Variants in VGLL3 observed in about 807,000 individuals in gnomAD.
The protein encoded by VGLL3 is transcription cofactor vestigial-like protein 3.
A neutral mutation model predicts 29.2 loss-of-function variants in VGLL3; 18 were observed. The observed-to-expected ratio is 0.62, with a 90% CI of 0.43 to 0.91. The LOEUF (loss-of-function observed/expected upper bound fraction) is 0.91. VGLL3 is among the 40% of genes least tolerant of loss of function. The probability of loss-of-function intolerance (pLI) is 0.00; values close to 1 mark genes in which losing one functional copy is unlikely to be tolerated. For missense variants in VGLL3, 440 were observed against 413.2 expected (o/e 1.06, Z -0.56); for synonymous variants, 180 against 151.8 (o/e 1.19, Z -1.36).
chr3:86,990,058 C>T (rs1040155109), intron 1 of VGLL3, among the ~76,000 whole-genome samples: 5 of 152,140 alleles, frequency 3.3e-5, no homozygotes, highest in African/African-American at 1.2e-4. Flanking sequence ...TGGAATCCAT[C>T]CCTGTCCTCT....
chr3:86,959,726 C>T (rs372585691), intron 3 of VGLL3, among the ~76,000 whole-genome samples: 5 of 152,128 alleles, frequency 3.3e-5, no homozygotes, highest in East Asian at 3.9e-4. Flanking sequence ...GGGTATAAAG[C>T]TCCATAATTT....
In VGLL3 at chr3:86,975,987, C is replaced by T. The variant is rs189980631; in HGVS notation, c.403+2539G>A. ...AAATTAGCTGGGCATGGTGGAGGGT[C>T]CCTGTAATCCCAGCTACTCAGGAGG... On this transcript the variant is annotated intron_variant, in intron 2 of 3. Transcript: ENST00000398399. 1.9e-3 allele frequency among the ~76,000 whole-genome samples: 294 copies of T among 151,996 alleles called. 2 individuals carry two copies. The highest frequency in any genetic ancestry group is 6.8e-3 in the African/African-American group (281 of 41,484).
intron 3 of VGLL3, among the ~76,000 whole-genome samples, chr3:86,959,818 C>A (rs1372177748): frequency 6.6e-6 from 1 of 152,084 alleles, no homozygotes; most frequent in East Asian, 1.9e-4. Context: ...ATTTGTAGAA[C>A]TTTCCTGCAA....
At chr3:86,960,116 T>C (rs1704807173) in intron 3 of VGLL3, among the ~76,000 whole-genome samples, 1 of 152,162 alleles carries the variant, frequency 6.6e-6, no homozygotes, top group Admixed American at 6.5e-5. Flanking sequence ...ACCGTCATAA[T>C]CTTAAACACT....
chr3:86,964,884 C>T (rs551012275), intron 3 of VGLL3, among the ~76,000 whole-genome samples: 4 of 152,160 alleles, frequency 2.6e-5, no homozygotes, highest in East Asian at 1.9e-4. Flanking sequence ...TTTAGGCCGG[C>T]GCAAGTGGCT....
chr3:86,966,405 C>A (rs1201443030), intron 3 of VGLL3, among the ~76,000 whole-genome samples: 1 of 151,972 alleles, frequency 6.6e-6, no homozygotes, highest in African/African-American at 2.4e-5. Flanking sequence ...ATAATTTTAT[C>A]TTTATTTTCA....
intron 1 of VGLL3, 136 bp from the exon 2 acceptor site, chr3:86,978,938 A>G (rs1046410852): frequency 2.0e-6 from 2 of 1,022,748 alleles, no homozygotes; most frequent in Non-Finnish European, 2.7e-6. Context: ...CATCTGTTTT[A>G]CTCCATCTTT....
chr3:86,968,609 G>A lies in VGLL3; in HGVS notation c.918C>T (p.Pro306=), dbSNP rs1705012514. Residue 306 remains proline, a synonymous_variant, in exon 3 of 4, where the codon CCC becomes CCT. Transcript: ENST00000398399. ...GAFHGTVDIV[P]SVGFDTGLQH... Reference sequence around the variant, plus strand: ...GCTTACCTGTATCGAATCCCACGCTGGGCACTATGTCTACTGTTCCATGAA... The same window carrying A: ...GCTTACCTGTATCGAATCCCACGCTAGGCACTATGTCTACTGTTCCATGAA... The A allele has an allele frequency of 1.2e-6, 2 of 1,613,706 alleles. No homozygotes were observed. Among genetic ancestry groups the A allele is most frequent in the African/African-American group, 2.7e-5 (2 of 75,048 alleles).
At chr3:86,949,700 C>T (rs1461665539) in intron 3 of VGLL3, among the ~76,000 whole-genome samples, 3 of 151,468 alleles carry the variant, frequency 2.0e-5, no homozygotes, top group South Asian at 2.1e-4. Context: ...ATGGCGGGCG[C>T]CCTGTAGTCC....
At position 86,942,818 on chromosome 3, in the gene VGLL3, T is replaced by C. The variant is rs1704426265; in HGVS notation, c.*4206A>G. 1 of 152,222 alleles carries C rather than the reference T, an allele frequency of 6.6e-6. No individual in the cohort carries two copies. The highest frequency in any genetic ancestry group is 1.5e-5 in the Non-Finnish European group (1 of 68,032). The allele number at this position is 152,222 out of a possible 1,614,324, so 9.4% of individuals were successfully genotyped here. Reference sequence around the variant, plus strand: ...CAGTTAGTAGGAGAAAAAGATTCTCTTTGCAGTAATTTCTTACAGAAAAAC... The same window carrying C: ...CAGTTAGTAGGAGAAAAAGATTCTCCTTGCAGTAATTTCTTACAGAAAAAC... On this transcript the variant is annotated 3_prime_UTR_variant, in exon 4 of 4. Coordinates refer to ENST00000398399, the MANE Select transcript of VGLL3 (RefSeq NM_016206.4).
chr3:86,948,292 T>A (rs1286600721), intron 3 of VGLL3, among the ~76,000 whole-genome samples: 1 of 152,188 alleles, frequency 6.6e-6, no homozygotes, highest in East Asian at 1.9e-4. Flanking sequence ...ACCTTTGATC[T>A]GAAACTGTTG....
At position 86,947,951 on chromosome 3, in the gene VGLL3, G is replaced by GTT. The variant is rs562168886; in HGVS notation, c.938-886_938-885dup. On this transcript the variant is annotated intron_variant, in intron 3 of 3. Coordinates refer to ENST00000398399, the MANE Select transcript of VGLL3 (RefSeq NM_016206.4). ...ACGTACTCGAAGTTACTTTTATTTTGTTTTTTTTTTCTTTCCAGCTTCATT... is the reference window on the plus strand; with the variant it reads ...ACGTACTCGAAGTTACTTTTATTTTGTTTTTTTTTTTTCTTTCCAGCTTCATT... 4.0e-3 allele frequency among the ~76,000 whole-genome samples: 588 copies of GTT among 146,754 alleles called. 1 individual carries two copies. The highest frequency in any genetic ancestry group is 0.013 in the African/African-American group (540 of 40,152).
Position 86,939,374 on chromosome 3 carries a change from C to A in VGLL3, c.*7650G>T, listed in dbSNP as rs1437232913. The A allele has an allele frequency of 6.6e-6, 1 of 152,274 alleles. No homozygotes were observed. Among genetic ancestry groups the A allele is most frequent in the African/African-American group, 2.4e-5 (1 of 41,440 alleles). 9.4% of individuals were successfully genotyped at this position (152,274 alleles called of 1,614,324 possible). On this transcript the variant is annotated 3_prime_UTR_variant, in exon 4 of 4. Coordinates refer to ENST00000398399, the MANE Select transcript of VGLL3 (RefSeq NM_016206.4). The stretch of plus-strand genomic sequence containing the variant: ...TGGCGCAATGGCTTATGCCTGTAAT[C>A]CCAACACTTTGGGAGGCCAAGGCAG...
intron 1 of VGLL3, among the ~76,000 whole-genome samples, chr3:86,988,707 A>AAAG (rs1705511794): frequency 7.2e-6 from 1 of 138,730 alleles, no homozygotes; most frequent in South Asian, 2.4e-4. Context: ...AGGAGAAGAA[A>AAAG]AAGAAGAAAA....
At chr3:86,982,449 C>CT (rs563026048) in intron 1 of VGLL3, among the ~76,000 whole-genome samples, 12,875 of 141,612 alleles carry the variant, frequency 0.091, 1,447 homozygotes, top group African/African-American at 0.27. Flanking sequence ...TCCAGCTCTG[C>CT]TTTTTTTTTT....
At chr3:86,983,683 G>A (rs1196378033) in intron 1 of VGLL3, among the ~76,000 whole-genome samples, 1 of 152,092 alleles carries the variant, frequency 6.6e-6, no homozygotes, top group Non-Finnish European at 1.5e-5. Context: ...CACCGTGCCT[G>A]GCCACATATT....
chr3:86,988,693 A>AAGAAGG (rs1705510182), intron 1 of VGLL3, among the ~76,000 whole-genome samples: 1 of 135,998 alleles, frequency 7.4e-6, no homozygotes, highest in Admixed American at 7.6e-5. Flanking sequence ...AAAGAAGAAG[A>AAGAAGG]AGAAGGAGAA....
intron 1 of VGLL3, among the ~76,000 whole-genome samples, chr3:86,985,023 A>T (rs1240480041): frequency 6.6e-6 from 1 of 152,234 alleles, no homozygotes; most frequent in Admixed American, 6.5e-5. Context: ...GATTTGACCG[A>T]AACTATTTCC....
rs188705246 is a variant in VGLL3, at chr3:86,953,399, A to G, written c.938-6332T>C. Among the ~76,000 whole-genome samples the G allele has an allele frequency of 4.6e-5, 7 of 152,108 alleles. 1 individual carries two copies. Among genetic ancestry groups the G allele is most frequent in the Admixed American group, 2.6e-4 (4 of 15,264 alleles). On this transcript the variant is annotated intron_variant, in intron 3 of 3. Coordinates refer to ENST00000398399, the MANE Select transcript of VGLL3 (RefSeq NM_016206.4). ...ATTACCCAATTCTCTATAGATGTAC[A>G]TCTTTTAGATAGACACACACACACA...
Sources: gnomAD v4.1 joint callset for allele counts (sites outside exome capture counted in the v4.1 genomes callset) on GRCh38, gnomAD v4.1.1 for gene constraint, MANE v1.5 for transcripts, NCBI Gene and HGNC (gene_info 2026-07-23, HGNC 2026-07-21) for gene names.